ARFGAP3: variants seen among roughly 807,000 people sequenced by gnomAD.
ARFGAP3 encodes the protein ARF GTPase activating protein 3.
In ARFGAP3, 72 loss-of-function variants were observed where a neutral mutation model predicts 75.0. That is an observed-to-expected ratio of 0.96 (90% confidence interval 0.79 to 1.17). The LOEUF is 1.17. ARFGAP3 is among the 50% of genes most tolerant of loss of function. The pLI, the probability that ARFGAP3 is intolerant of heterozygous loss-of-function variation, is 0.00. For synonymous variants in ARFGAP3, 221 were observed against 217.9 expected, an observed-to-expected ratio of 1.01 and a Z score of -0.13; for missense variants, 620 against 626.6, an observed-to-expected ratio of 0.99 and a Z score of 0.11.
chr22:42,854,485 C>A (rs1439677890), intron 1 of ARFGAP3, among the ~76,000 whole-genome samples: 1 of 152,082 alleles, frequency 6.6e-6, no homozygotes, highest in East Asian at 1.9e-4. Context: ...ATTAGCCATG[C>A]GTGATGGCAC....
chr22:42,848,248 G>A (rs968434707), intron 1 of ARFGAP3, among the ~76,000 whole-genome samples: 18 of 150,642 alleles, frequency 1.2e-4, no homozygotes, highest in South Asian at 2.1e-4. Context: ...TCGCTCTGTC[G>A]CCCAGGCTGG....
chr22:42,842,557 T>G (rs564838087), intron 2 of ARFGAP3, among the ~76,000 whole-genome samples: 92 of 151,740 alleles, frequency 6.1e-4, no homozygotes, highest in Non-Finnish European at 1.1e-3. Flanking sequence ...AAGCAATTCT[T>G]GTGCCCCAGC....
At chr22:42,853,132 A>C (rs1303073762) in intron 1 of ARFGAP3, among the ~76,000 whole-genome samples, 1 of 152,214 alleles carries the variant, frequency 6.6e-6, no homozygotes, top group African/African-American at 2.4e-5. Flanking sequence ...TGCTTTCTTA[A>C]ACAAAGAACT....
chr22:42,816,240 G>A (rs1925574640), intron 11 of ARFGAP3, among the ~76,000 whole-genome samples: 1 of 152,152 alleles, frequency 6.6e-6, no homozygotes, highest in South Asian at 2.1e-4. Context: ...TATAGCATTC[G>A]CAGTATCTCA....
intron 14 of ARFGAP3, among the ~76,000 whole-genome samples, chr22:42,803,014 G>C (rs1312533357): frequency 6.6e-6 from 1 of 152,124 alleles, no homozygotes; most frequent in African/African-American, 2.4e-5. Flanking sequence ...TTGTTTGTTT[G>C]AGACAGGGAC....
chr22:42,848,719 C>T lies in ARFGAP3; in HGVS notation c.70-1087G>A, dbSNP rs7285843. ...CTATACCAGATGGCAGGCTGTTGAGCATATTGCTTCTCTCCCCAGCCAGAG... is the reference window on the plus strand; with the variant it reads ...CTATACCAGATGGCAGGCTGTTGAGTATATTGCTTCTCTCCCCAGCCAGAG... On this transcript the variant is annotated intron_variant, in intron 1 of 15. Coordinates refer to ENST00000263245, the MANE Select transcript of ARFGAP3 (RefSeq NM_014570.5). Among the ~76,000 whole-genome samples the T allele has an allele frequency of 5.1e-3, 772 of 152,274 alleles. 4 individuals carry two copies. Among genetic ancestry groups the T allele is most frequent in the African/African-American group, 0.018 (734 of 41,540 alleles).
At chr22:42,817,692 T>C in intron 10 of ARFGAP3, 37 bp downstream of exon 10, 1 of 1,524,846 alleles carries the variant, frequency 6.6e-7, no homozygotes, top group Non-Finnish European at 9.0e-7. Flanking sequence ...TGACACACTG[T>C]TTTAAATTCT....
At chr22:42,849,894 G>A (rs903601977) in intron 1 of ARFGAP3, among the ~76,000 whole-genome samples, 1 of 152,134 alleles carries the variant, frequency 6.6e-6, no homozygotes, top group African/African-American at 2.4e-5. Flanking sequence ...CACTAGCACA[G>A]AACCTGCACA....
At chr22:42,822,937 G>A (rs2146548037) in intron 8 of ARFGAP3, among the ~76,000 whole-genome samples, 1 of 152,070 alleles carries the variant, frequency 6.6e-6, no homozygotes, top group East Asian at 1.9e-4. Flanking sequence ...AGTATCCCGA[G>A]TAGCTGGGAC....
chr22:42,849,959 C>T lies in ARFGAP3; in HGVS notation c.70-2327G>A, dbSNP rs112576765. On this transcript the variant is annotated intron_variant, in intron 1 of 15. Transcript: ENST00000263245. The stretch of plus-strand genomic sequence containing the variant: ...TAGTTGTGTACTTTTAAATCTCACA[C>T]ACAGCCTGAAAAATAGGCTTACCCA... Among the ~76,000 whole-genome samples the T allele has an allele frequency of 9.2e-3, 1,407 of 152,232 alleles. 29 individuals carry two copies. Among genetic ancestry groups the T allele is most frequent in the African/African-American group, 0.033 (1,355 of 41,526 alleles).
At chr22:42,831,870 C>CAAGG in intron 5 of ARFGAP3, 1 of 388,682 alleles carries the variant, frequency 2.6e-6, no homozygotes, top group Non-Finnish European at 3.5e-6. Flanking sequence ...GGAGCCTTGA[C>CAAGG]CTCCCAGGCT....
At chr22:42,804,340 G>T (rs1277166163) in intron 14 of ARFGAP3, among the ~76,000 whole-genome samples, 3 of 149,178 alleles carry the variant, frequency 2.0e-5, no homozygotes, top group African/African-American at 7.4e-5. Flanking sequence ...CGCCTGAGTG[G>T]TTGGGATTAC....
chr22:42,832,180 C>T (rs1242666927), intron 5 of ARFGAP3, among the ~76,000 whole-genome samples: 1 of 63,202 alleles, frequency 1.6e-5, no homozygotes, highest in Admixed American at 1.7e-4. Context: ...AAAAAAAAAC[C>T]CAAAAAACAA....
At position 42,852,103 on chromosome 22, in the gene ARFGAP3, T is replaced by C. The variant is rs9623706; in HGVS notation, c.70-4471A>G. ...TTTTTTTTGAGATAGGGTCTCATGC[T>C]GGAGTATATGATATGATCTCGACTC... On this transcript the variant is annotated intron_variant, in intron 1 of 15. Transcript: ENST00000263245. Among the ~76,000 whole-genome samples the C allele has an allele frequency of 9.5e-3, 1,447 of 151,956 alleles. 20 individuals are homozygous for C. Among genetic ancestry groups the C allele is most frequent in the African/African-American group, 0.034 (1,388 of 41,408 alleles).
intron 13 of ARFGAP3, among the ~76,000 whole-genome samples, chr22:42,808,330 G>A (rs1286552530): frequency 2.0e-5 from 3 of 151,570 alleles, no homozygotes; most frequent in African/African-American, 7.3e-5. Context: ...CTTGGGAGGC[G>A]GAGGTTGCAG....
intron 7 of ARFGAP3, among the ~76,000 whole-genome samples, chr22:42,826,179 C>T (rs180673485): frequency 2.6e-5 from 4 of 152,064 alleles, no homozygotes; most frequent in African/African-American, 9.7e-5. Context: ...ATAACAATTA[C>T]AAATTATAAT....
At position 42,838,503 on chromosome 22, in the gene ARFGAP3, C is replaced by T. The variant is rs549960109; in HGVS notation, c.261+2441G>A. 5.9e-5 allele frequency among the ~76,000 whole-genome samples: 9 copies of T among 151,556 alleles called. No homozygotes were observed. The South Asian group carries it at 1.9e-3, about 32-fold the overall frequency. On this transcript the variant is annotated intron_variant, in intron 3 of 15. Transcript: ENST00000263245. ...TGTACGATGAGGTCTCACTATGTTGCCCAGGCTGGTCTTACACTCCTGGAC... is the reference window on the plus strand; with the variant it reads ...TGTACGATGAGGTCTCACTATGTTGTCCAGGCTGGTCTTACACTCCTGGAC...
chr22:42,809,160 C>T (rs1925255188), intron 12 of ARFGAP3, among the ~76,000 whole-genome samples: 1 of 152,076 alleles, frequency 6.6e-6, no homozygotes, highest in Non-Finnish European at 1.5e-5. Flanking sequence ...ACTGGGTAAA[C>T]ACTGAATACA....
chr22:42,814,179 T>C (rs1925483286), intron 11 of ARFGAP3, among the ~76,000 whole-genome samples: 1 of 152,252 alleles, frequency 6.6e-6, no homozygotes, highest in African/African-American at 2.4e-5. Flanking sequence ...AGGTTTTATC[T>C]TATTTTTAAC....
Sources: gnomAD v4.1 joint callset for allele counts (sites outside exome capture counted in the v4.1 genomes callset) on GRCh38, gnomAD v4.1.1 for gene constraint, MANE v1.5 for transcripts, NCBI Gene and HGNC (gene_info 2026-07-23, HGNC 2026-07-21) for gene names.